Variants in HCRTR2 observed in about 807,000 individuals in gnomAD.
HCRTR2 encodes the protein hypocretin receptor 2.
Under a neutral mutation model 49.0 loss-of-function variants are expected in HCRTR2, and 22 were observed. That is an observed-to-expected ratio of 0.45 (90% CI 0.32 to 0.64). HCRTR2 has a LOEUF of 0.64. HCRTR2 is among the 30% of genes least tolerant of loss of function. The pLI, the probability that HCRTR2 is intolerant of heterozygous loss-of-function variation, is 0.04. For missense variants in HCRTR2, 491 were observed against 559.4 expected, an observed-to-expected ratio of 0.88 and a Z score of 1.23; for synonymous variants, 236 against 205.3, an observed-to-expected ratio of 1.15 and a Z score of -1.28.
chr6:55,248,730 C>A lies in HCRTR2; in HGVS notation c.315C>A (p.Ile105=). The A allele has an allele frequency of 6.2e-7, 1 of 1,613,450 alleles. No individual in the cohort carries two copies. The highest frequency in any genetic ancestry group is 8.5e-7 in the Non-Finnish European group (1 of 1,179,500). Reference sequence around the variant, plus strand: ...CTCTGGCTGATGTGCTCGTGACCATCACCTGCCTTCCAGCCACACTGGTCG... The same window carrying A: ...CTCTGGCTGATGTGCTCGTGACCATAACCTGCCTTCCAGCCACACTGGTCG... The part of the protein sequence containing the change: ...NLSLADVLVT[I]TCLPATLVVD... Residue 105 remains isoleucine (I), a synonymous_variant, in exon 2 of 7, where the codon ATC becomes ATA. Coordinates refer to ENST00000370862, the MANE Select transcript of HCRTR2 (RefSeq NM_001384272.1).
At chr6:55,189,399 A>G (rs889509565) in intron 1 of HCRTR2, among the ~76,000 whole-genome samples, 1 of 152,196 alleles carries the variant, frequency 6.6e-6, no homozygotes, top group Non-Finnish European at 1.5e-5. Context: ...AAATGAAACA[A>G]ACATGAGAGG....
At position 55,133,688 on chromosome 6, in the gene HCRTR2, TC is replaced by T. The variant is rs1340041457; in HGVS notation, c.-378+27144del. 1.7e-4 allele frequency among the ~76,000 whole-genome samples: 26 copies of T among 150,238 alleles called. No individual in the cohort carries two copies. In the East Asian group the frequency reaches 4.6e-3, roughly 27 times the overall value. ...ATCTATCTATCTATCTATCTATCTA[TC>T]TATCTATCTATCTATATCTCCATCT... On this transcript the variant is annotated intron_variant, in intron 1 of 7. Transcript: ENST00000615358.
intron 1 of HCRTR2, among the ~76,000 whole-genome samples, chr6:55,186,967 G>T (rs1348194175): frequency 6.6e-6 from 1 of 152,052 alleles, no homozygotes; most frequent in Non-Finnish European, 1.5e-5. Context: ...CAAAACCAAT[G>T]TTCATAGTAG....
intron 1 of HCRTR2, among the ~76,000 whole-genome samples, chr6:55,234,594 G>A (rs1766179471): frequency 1.3e-5 from 2 of 152,070 alleles, no homozygotes; most frequent in Non-Finnish European, 2.9e-5. Context: ...GCCCTAGAGA[G>A]TAATGTTCAA....
intron 1 of HCRTR2, among the ~76,000 whole-genome samples, chr6:55,112,479 T>TAAC (rs1245299258): frequency 6.9e-6 from 1 of 145,752 alleles, no homozygotes; most frequent in African/African-American, 2.5e-5. Flanking sequence ...CACAAATCAG[T>TAAC]AACACTGCTT....
chr6:55,245,745 G>T (rs1191902359), intron 1 of HCRTR2, among the ~76,000 whole-genome samples: 2 of 151,644 alleles, frequency 1.3e-5, no homozygotes, highest in Non-Finnish European at 2.9e-5. Context: ...TCACATGATG[G>T]ATTCTGATTA....
At chr6:55,124,235 T>C (rs1391159764) in intron 1 of HCRTR2, among the ~76,000 whole-genome samples, 1 of 152,158 alleles carries the variant, frequency 6.6e-6, no homozygotes, top group Non-Finnish European at 1.5e-5. Flanking sequence ...CTTTTCTGCT[T>C]TCTCTTCTGG....
intron 1 of HCRTR2, among the ~76,000 whole-genome samples, chr6:55,200,637 T>C (rs1765497106): frequency 6.6e-6 from 1 of 152,196 alleles, no homozygotes. Flanking sequence ...TCCATATATC[T>C]TTTTACACTG....
intron 4 of HCRTR2, among the ~76,000 whole-genome samples, chr6:55,264,586 T>C (rs945298666): frequency 4.6e-5 from 7 of 152,104 alleles, no homozygotes; most frequent in Admixed American, 2.6e-4. Flanking sequence ...GAGCAAAATG[T>C]ACTAAAACCA....
At chr6:55,254,989 TAGAA>T in intron 2 of HCRTR2, 143 bp from the exon 3 acceptor site, 1 of 701,588 alleles carries the variant, frequency 1.4e-6, no homozygotes, top group Non-Finnish European at 2.4e-6. Context: ...TCTTTTTAAA[TAGAA>T]AGCACTTGCA....
At chr6:55,175,676 C>G (rs930704411) in intron 1 of HCRTR2, among the ~76,000 whole-genome samples, 2 of 152,060 alleles carry the variant, frequency 1.3e-5, no homozygotes, top group Non-Finnish European at 2.9e-5. Flanking sequence ...TCCTCGACCC[C>G]TCATCCCCCT....
chr6:55,124,402 A>C (rs1301085437), intron 1 of HCRTR2, among the ~76,000 whole-genome samples: 1 of 152,150 alleles, frequency 6.6e-6, no homozygotes. Context: ...CAGGCTGTTC[A>C]GTTTCCATGC....
At chr6:55,142,192 T>A (rs1764516191) in intron 1 of HCRTR2, among the ~76,000 whole-genome samples, 1 of 151,468 alleles carries the variant, frequency 6.6e-6, no homozygotes, top group African/African-American at 2.4e-5. Context: ...ACTGACCATT[T>A]AAAAAAAAAT....
At chr6:55,250,993 C>A (rs1444540813) in intron 2 of HCRTR2, among the ~76,000 whole-genome samples, 3 of 152,096 alleles carry the variant, frequency 2.0e-5, no homozygotes, top group African/African-American at 7.2e-5. Context: ...CTAGTATCTC[C>A]AAATTCTTCA....
intron 1 of HCRTR2, among the ~76,000 whole-genome samples, chr6:55,159,334 G>C (rs1001516916): frequency 2.0e-5 from 3 of 151,216 alleles, no homozygotes; most frequent in Non-Finnish European, 4.4e-5. Flanking sequence ...CCATCTGAAG[G>C]TCACCAACAC....
intron 1 of HCRTR2, among the ~76,000 whole-genome samples, chr6:55,245,970 A>T (rs1022436752): frequency 2.0e-5 from 3 of 152,018 alleles, no homozygotes; most frequent in African/African-American, 7.2e-5. Flanking sequence ...TGGGCCTTTA[A>T]TCCAATATGA....
intron 1 of HCRTR2, among the ~76,000 whole-genome samples, chr6:55,205,842 A>C (rs1398555623): frequency 9.9e-5 from 15 of 152,016 alleles, no homozygotes; most frequent in Non-Finnish European, 5.9e-5. Context: ...GGTATAACGC[A>C]ACTCTATTTG....
chr6:55,265,691 TG>T (rs1766847883), intron 4 of HCRTR2, among the ~76,000 whole-genome samples: 1 of 152,028 alleles, frequency 6.6e-6, no homozygotes. Flanking sequence ...AAGCTGGGGA[TG>T]AATGATCTGG....
chr6:55,193,791 A>C (rs1342506289), intron 1 of HCRTR2, among the ~76,000 whole-genome samples: 1 of 152,146 alleles, frequency 6.6e-6, no homozygotes, highest in Non-Finnish European at 1.5e-5. Context: ...CATTAATTTT[A>C]TCAATGTAAG....
Sources: allele counts gnomAD v4.1 joint callset (sites outside exome capture counted in the v4.1 genomes callset), GRCh38; gene constraint gnomAD v4.1.1; transcripts MANE v1.5; gene names NCBI Gene and HGNC (gene_info 2026-07-23, HGNC 2026-07-21).